COX5A: variants seen among roughly 807,000 people sequenced by gnomAD.
COX5A encodes cytochrome c oxidase subunit 5A, mitochondrial.
Under a neutral mutation model 16.1 loss-of-function variants are expected in COX5A, and 6 were observed. The ratio of observed to expected loss-of-function variants is 0.37; its 90% CI spans 0.20 to 0.73. COX5A has a LOEUF of 0.73. COX5A is among the 30% of genes least tolerant of loss of function. The pLI is 0.50. For missense variants in COX5A, 159 were observed against 194.9 expected, an observed-to-expected ratio of 0.82 and a Z score of 1.10; for synonymous variants, 73 against 73.8, an observed-to-expected ratio of 0.99 and a Z score of 0.06.
At chr15:74,924,518 C>A (rs944437297) in intron 3 of COX5A, among the ~76,000 whole-genome samples, 12 of 123,332 alleles carry the variant, frequency 9.7e-5, no homozygotes, top group Admixed American at 8.0e-4. Context: ...GAGACTCTGT[C>A]TCAAAAAAAT....
At chr15:74,935,537 G>A (rs1420509476) in intron 1 of COX5A, among the ~76,000 whole-genome samples, 2 of 151,358 alleles carry the variant, frequency 1.3e-5, no homozygotes, top group Non-Finnish European at 2.9e-5. Flanking sequence ...GGAGGTCAAG[G>A]CTGCAGTGAG....
intron 1 of COX5A, 37 bp downstream of exon 1, chr15:74,937,878 A>G: frequency 9.3e-6 from 11 of 1,186,298 alleles, no homozygotes; most frequent in Non-Finnish European, 1.1e-5. Flanking sequence ...CACCGCAAGG[A>G]CACGAGGGCG....
rs1452652513 is a variant in COX5A, at chr15:74,938,023, T to C, written c.-9A>G. The C allele has an allele frequency of 3.3e-6, 4 of 1,229,842 alleles. No individual in the cohort carries two copies. Among genetic ancestry groups the C allele is most frequent in the Non-Finnish European group, 4.1e-6 (4 of 986,752 alleles). The allele number at this position is 1,229,842 out of a possible 1,614,324, so 76.2% of individuals were successfully genotyped here. The stretch of plus-strand genomic sequence containing the variant: ...AGAGCGGCGCCCAGCATGACGGCGA[T>C]GGCGGCGCGCGGGCTGAGGACAGAG... On this transcript the variant is annotated 5_prime_UTR_variant, in exon 1 of 5. Transcript: ENST00000322347.
In COX5A at chr15:74,923,729, G is replaced by C; in HGVS notation, c.381C>G (p.Ile127Met). ...CATTTAAAGTTGGTCTAAGTTCCTG[G>C]ATGACATAGGGGTAGATTTCCTTAT... ...GPHKEIYPYV[I>M]QELRPTLNEL... The change falls in exon 4 of 5, where the codon ATC becomes ATG. Residue 127 changes from isoleucine (I) to methionine (M), a missense_variant. Transcript: ENST00000322347. 1 of 1,611,588 alleles carries C rather than the reference G, an allele frequency of 6.2e-7. No individual in the cohort carries two copies. The highest frequency in any genetic ancestry group is 8.5e-7 in the Non-Finnish European group (1 of 1,179,402).
At chr15:74,922,703 T>C (rs1469847668) in intron 4 of COX5A, among the ~76,000 whole-genome samples, 1 of 148,304 alleles carries the variant, frequency 6.7e-6, no homozygotes, top group Non-Finnish European at 1.5e-5. Flanking sequence ...TCTCACTCTG[T>C]CACCCAGGCT....
intron 1 of COX5A, among the ~76,000 whole-genome samples, chr15:74,930,008 G>A (rs931686871): frequency 6.6e-6 from 1 of 151,852 alleles, no homozygotes; most frequent in African/African-American, 2.4e-5. Flanking sequence ...GAACCTGGAC[G>A]GCGGAGGTTG....
In COX5A at chr15:74,935,634, AT is replaced by A. The variant is rs1036005270; in HGVS notation, c.100+2280del. ...AAATAAATAAATAAATAAATAAAAA[AT>A]TTTTTTTTTGAGATGGCATGATTTC... On this transcript the variant is annotated intron_variant, in intron 1 of 4. Transcript: ENST00000322347. Among the ~76,000 whole-genome samples the A allele has an allele frequency of 5.3e-5, 8 of 150,214 alleles. No homozygotes were observed. In the South Asian group the frequency reaches 1.3e-3, roughly 24 times the overall value.
chr15:74,921,947 GA>G (rs2141269526), intron 4 of COX5A, among the ~76,000 whole-genome samples: 1 of 152,132 alleles, frequency 6.6e-6, no homozygotes, highest in South Asian at 2.1e-4. Context: ...AAATAATTTG[GA>G]AGGCCAAGGT....
At chr15:74,929,775 C>A (rs2065358614) in intron 1 of COX5A, among the ~76,000 whole-genome samples, 1 of 151,384 alleles carries the variant, frequency 6.6e-6, no homozygotes, top group South Asian at 2.1e-4. Context: ...ACAGCGACAC[C>A]CCACTTCTAA....
At chr15:74,923,949 G>A (rs1448585389) in intron 3 of COX5A, among the ~76,000 whole-genome samples, 179 bp from the exon 4 acceptor site, 2 of 152,174 alleles carry the variant, frequency 1.3e-5, no homozygotes, top group Non-Finnish European at 2.9e-5. Flanking sequence ...GGAGGCTGAG[G>A]CGGGCGGATC....
chr15:74,925,293 G>C (rs2065338537), intron 3 of COX5A, among the ~76,000 whole-genome samples: 1 of 152,092 alleles, frequency 6.6e-6, no homozygotes, highest in Non-Finnish European at 1.5e-5. Context: ...GCGACAGAGT[G>C]AGACTCTGTC....
chr15:74,930,274 T>G (rs1255282567), intron 1 of COX5A, among the ~76,000 whole-genome samples: 1 of 149,790 alleles, frequency 6.7e-6, no homozygotes, highest in Admixed American at 6.7e-5. Context: ...AAAAATTAGC[T>G]GGGTGTGGTG....
chr15:74,932,985 G>A (rs1246291440), intron 1 of COX5A, among the ~76,000 whole-genome samples: 2 of 151,294 alleles, frequency 1.3e-5, no homozygotes, highest in East Asian at 3.9e-4. Flanking sequence ...CATGAGCCAC[G>A]GTGCCCAGCC....
chr15:74,934,429 C>T (rs973670241), intron 1 of COX5A, among the ~76,000 whole-genome samples: 2 of 151,750 alleles, frequency 1.3e-5, no homozygotes, highest in African/African-American at 4.8e-5. Context: ...CTCCCAGGTT[C>T]ACGCCATTCT....
At chr15:74,934,456 C>T (rs2065380283) in intron 1 of COX5A, among the ~76,000 whole-genome samples, 1 of 151,948 alleles carries the variant, frequency 6.6e-6, no homozygotes, top group African/African-American at 2.4e-5. Flanking sequence ...TCAGCCTTCC[C>T]AGCAGCTGGG....
At chr15:74,937,504 G>A (rs985776793) in intron 1 of COX5A, among the ~76,000 whole-genome samples, 1 of 152,200 alleles carries the variant, frequency 6.6e-6, no homozygotes, top group Non-Finnish European at 1.5e-5. Context: ...AGTATATTGT[G>A]TCCTCGGACC....
At chr15:74,928,665 G>A (rs527899524) in intron 2 of COX5A, among the ~76,000 whole-genome samples, 45 of 152,188 alleles carry the variant, frequency 3.0e-4, no homozygotes, top group South Asian at 2.1e-4. Flanking sequence ...GATTACAGGC[G>A]TGAGCCACCG....
rs2141276218 is a variant in COX5A at position 74,937,962 on chromosome 15, T to C, written c.53A>G (p.Asp18Gly). Reference protein sequence around the residue: ...RCAVAATTRADPRGLLHSART... With the variant: ...RCAVAATTRAGPRGLLHSART... The stretch of plus-strand genomic sequence containing the variant: ...GGCGGAGTGCAGGAGGCCTCGAGGG[T>C]CGGCCCGGGTGGTTGCGGCCACAGC... Residue 18 changes from aspartate (D) to glycine (G), a missense_variant, in exon 1 of 5, where the codon GAC (aspartate) becomes GGC (glycine). Physicochemically the swap from Asp to Gly is moderately conservative, Grantham distance 94 (BLOSUM62 -1). Transcript: ENST00000322347. The C allele has an allele frequency of 8.1e-7, 1 of 1,232,562 alleles. No individual in the cohort carries two copies. Among genetic ancestry groups the C allele is most frequent in the Non-Finnish European group, 1.0e-6 (1 of 987,886 alleles). The allele number at this position is 1,232,562 out of a possible 1,614,324, so 76.4% of individuals were successfully genotyped here.
chr15:74,936,039 C>T (rs1421651087), intron 1 of COX5A, among the ~76,000 whole-genome samples: 3 of 152,000 alleles, frequency 2.0e-5, no homozygotes, highest in African/African-American at 7.2e-5. Context: ...GCCTGTAATC[C>T]CAGCACTTTG....
Sources: gnomAD v4.1 joint callset for allele counts (sites outside exome capture counted in the v4.1 genomes callset) on GRCh38, gnomAD v4.1.1 for gene constraint, MANE v1.5 for transcripts, NCBI Gene and HGNC (gene_info 2026-07-23, HGNC 2026-07-21) for gene names.